Variants in RYR3 observed in about 807,000 individuals in gnomAD.
The protein encoded by RYR3 is brain ryanodine receptor-calcium release channel.
A neutral mutation model predicts 584.3 loss-of-function variants in RYR3; 207 were observed. That is an observed-to-expected ratio of 0.35 (90% confidence interval 0.32 to 0.40). The LOEUF (loss-of-function observed/expected upper bound fraction) is 0.40. Ranked by LOEUF, RYR3 falls within the 10% of genes least tolerant of loss-of-function variation. The pLI, the probability that RYR3 is intolerant of heterozygous loss-of-function variation, is 1.00. For missense variants in RYR3, 5,616 were observed against 6,089.2 expected (o/e 0.92, Z 2.59); for synonymous variants, 2,416 against 2,248.5 (o/e 1.07, Z -2.11).
intron 51 of RYR3, among the ~76,000 whole-genome samples, chr15:33,740,337 G>A (rs2069958284): frequency 6.6e-6 from 1 of 152,110 alleles, no homozygotes; most frequent in Non-Finnish European, 1.5e-5. Flanking sequence ...TTTGCTCATG[G>A]TGAATTAGGC....
chr15:33,781,930 A>G (rs1161190982), intron 65 of RYR3, among the ~76,000 whole-genome samples: 1 of 152,014 alleles, frequency 6.6e-6, no homozygotes, highest in Non-Finnish European at 1.5e-5. Flanking sequence ...CTTTCCACCA[A>G]AGTGGAAGCT....
chr15:33,809,460 C>G (rs919989966), intron 70 of RYR3, among the ~76,000 whole-genome samples: 2 of 152,146 alleles, frequency 1.3e-5, no homozygotes, highest in African/African-American at 4.8e-5. Flanking sequence ...TCTCTGGAAC[C>G]TGGAATCATG....
intron 43 of RYR3, among the ~76,000 whole-genome samples, chr15:33,711,485 C>T (rs2067118465): frequency 6.6e-6 from 1 of 152,058 alleles, no homozygotes; most frequent in Admixed American, 6.5e-5. Flanking sequence ...CTTCGTGATC[C>T]ACCCGCCTCG....
chr15:33,595,588 A>C (rs889339358), intron 16 of RYR3, among the ~76,000 whole-genome samples: 1 of 152,152 alleles, frequency 6.6e-6, no homozygotes, highest in African/African-American at 2.4e-5. Flanking sequence ...CTGGGCCTTG[A>C]GGAGTTGAAT....
intron 24 of RYR3, 116 bp from the exon 25 acceptor site, chr15:33,634,470 C>T: frequency 1.1e-6 from 1 of 929,206 alleles, no homozygotes; most frequent in South Asian, 1.5e-5. Flanking sequence ...GAGGGAAGGG[C>T]TAATAGACCT....
intron 89 of RYR3, among the ~76,000 whole-genome samples, chr15:33,839,422 T>A (rs1160538004): frequency 6.6e-6 from 1 of 152,234 alleles, no homozygotes; most frequent in Non-Finnish European, 1.5e-5. Context: ...TTTATCCTTG[T>A]GATACACTCA....
chr15:33,437,227 A>G (rs2045815679), intron 1 of RYR3, among the ~76,000 whole-genome samples: 1 of 152,268 alleles, frequency 6.6e-6, no homozygotes, highest in South Asian at 2.1e-4. Context: ...GTCTCATGCA[A>G]TAAGTGGTCT....
chr15:33,454,795 C>T, intron 1 of RYR3, among the ~76,000 whole-genome samples: 1 of 152,110 alleles, frequency 6.6e-6, no homozygotes, highest in East Asian at 1.9e-4. Context: ...GCAGCAATAG[C>T]TCCATAGCGC....
At chr15:33,429,367 T>G (rs2044923216) in intron 1 of RYR3, among the ~76,000 whole-genome samples, 1 of 152,198 alleles carries the variant, frequency 6.6e-6, no homozygotes, top group African/African-American at 2.4e-5. Context: ...GAGATGTATG[T>G]TTTTTCTTCT....
intron 6 of RYR3, among the ~76,000 whole-genome samples, chr15:33,540,074 A>G (rs1232803991): frequency 6.6e-6 from 1 of 152,172 alleles, no homozygotes; most frequent in East Asian, 1.9e-4. Context: ...GGTGTCCGGA[A>G]CTAACCTGTT....
intron 1 of RYR3, among the ~76,000 whole-genome samples, chr15:33,425,932 GC>G (rs2044621784): frequency 6.6e-6 from 1 of 152,112 alleles, no homozygotes; most frequent in Non-Finnish European, 1.5e-5. Flanking sequence ...ATGAGCCACC[GC>G]GCCTGGACTG....
intron 1 of RYR3, among the ~76,000 whole-genome samples, chr15:33,349,282 A>C (rs553852754): frequency 6.6e-6 from 1 of 152,204 alleles, no homozygotes; most frequent in African/African-American, 2.4e-5. Flanking sequence ...TTTCAGCCTA[A>C]TTGGGTAAAT....
chr15:33,725,541 G>A (rs932498030), intron 45 of RYR3, among the ~76,000 whole-genome samples: 1 of 152,170 alleles, frequency 6.6e-6, no homozygotes, highest in African/African-American at 2.4e-5. Flanking sequence ...TACTCAAGCC[G>A]GGATAACTCC....
At chr15:33,823,147 CA>C in intron 81 of RYR3, 75 bp downstream of exon 81, 1 of 1,200,558 alleles carries the variant, frequency 8.3e-7, no homozygotes, top group Non-Finnish European at 1.2e-6. Flanking sequence ...AAGGGGAGCA[CA>C]AAATATACTG....
intron 2 of RYR3, among the ~76,000 whole-genome samples, chr15:33,494,892 C>G (rs1173286077): frequency 1.3e-5 from 2 of 152,170 alleles, no homozygotes; most frequent in Non-Finnish European, 2.9e-5. Context: ...TTAACACAAA[C>G]AGGCAAGCTC....
chr15:33,491,664 G>A (rs2050972983), intron 2 of RYR3, among the ~76,000 whole-genome samples: 1 of 152,204 alleles, frequency 6.6e-6, no homozygotes, highest in East Asian at 1.9e-4. Flanking sequence ...TGTTGATGCA[G>A]AACCTCAGTA....
chr15:33,625,349 T>C (rs2152611121), intron 20 of RYR3, among the ~76,000 whole-genome samples: 1 of 152,328 alleles, frequency 6.6e-6, no homozygotes, highest in East Asian at 1.9e-4. Flanking sequence ...CCAAACTATA[T>C]CACTTTTGAT....
At chr15:33,644,265 G>A in intron 27 of RYR3, 46 bp from the exon 28 acceptor site, 5 of 1,510,946 alleles carry the variant, frequency 3.3e-6, no homozygotes, top group Non-Finnish European at 3.6e-6. Context: ...GAGTTTCCTG[G>A]GATGGTGCCT....
chr15:33,631,752 G>T (rs1268648037), intron 23 of RYR3, among the ~76,000 whole-genome samples: 1 of 152,200 alleles, frequency 6.6e-6, no homozygotes, highest in Non-Finnish European at 1.5e-5. Flanking sequence ...TTCAGACACA[G>T]TTGCACATTT....
Sources: allele counts gnomAD v4.1 joint callset (sites outside exome capture counted in the v4.1 genomes callset), GRCh38; gene constraint gnomAD v4.1.1; transcripts MANE v1.5; gene names NCBI Gene and HGNC (gene_info 2026-07-23, HGNC 2026-07-21).